UBE3B: variants seen among roughly 807,000 people sequenced by gnomAD.
The protein encoded by UBE3B is ubiquitin protein ligase E3B.
Under a neutral mutation model 132.3 loss-of-function variants are expected in UBE3B, and 80 were observed. The ratio of observed to expected loss-of-function variants is 0.60; its 90% confidence interval spans 0.50 to 0.73. The LOEUF (loss-of-function observed/expected upper bound fraction) is 0.73. UBE3B is among the 30% of genes least tolerant of loss of function. The probability of loss-of-function intolerance (pLI) is 0.00; values close to 1 mark genes in which losing one functional copy is unlikely to be tolerated. For synonymous variants in UBE3B, 487 were observed against 520.4 expected, an observed-to-expected ratio of 0.94 and a Z score of 0.87; for missense variants, 1,196 against 1,362.5, an observed-to-expected ratio of 0.88 and a Z score of 1.92.
intron 7 of UBE3B, 42 bp from the exon 8 acceptor site, chr12:109,489,877 A>G: frequency 6.3e-7 from 1 of 1,580,840 alleles, no homozygotes; most frequent in African/African-American, 1.3e-5. Flanking sequence ...AGGTCACATT[A>G]TGGCAAGAGA....
chr12:109,521,067 T>G lies in UBE3B; in HGVS notation c.2077-81T>G. The G allele has an allele frequency of 6.6e-7, 1 of 1,522,940 alleles. No individual in the cohort carries two copies. The highest frequency in any genetic ancestry group is 9.0e-7 in the Non-Finnish European group (1 of 1,116,352). 94.3% of individuals were successfully genotyped at this position (1,522,940 alleles called of 1,614,324 possible). A position where few individuals can be genotyped will look rare whatever the true frequency, so the allele number is the denominator to read the frequency against. ...CATTTGGTAATGATGCTGGGAGAGC[T>G]TCGCACAGAGGAGAGGGAACCCCGA... On this transcript the variant is annotated intron_variant, in intron 19 of 27. Coordinates refer to ENST00000342494, the MANE Select transcript of UBE3B (RefSeq NM_130466.4). This position sits in a 1 kb window ranked among gnomAD's most constrained non-coding sequence, Gnocchi z 4.2.
chr12:109,540,618 C>T (rs937839951), downstream of UBE3B, among the ~76,000 whole-genome samples: 1 of 152,190 alleles, frequency 6.6e-6, no homozygotes, highest in African/African-American at 2.4e-5. Flanking sequence ...AGACACTTGT[C>T]GGAATGGCAC....
chr12:109,516,328 C>T (rs1402128337), intron 18 of UBE3B, among the ~76,000 whole-genome samples: 1 of 151,958 alleles, frequency 6.6e-6, no homozygotes, highest in Non-Finnish European at 1.5e-5. Context: ...CATGCCACCA[C>T]ACCCAGCTAA....
intron 8 of UBE3B, chr12:109,490,561 C>T: frequency 6.5e-7 from 1 of 1,536,050 alleles, no homozygotes; most frequent in Non-Finnish European, 8.7e-7. Flanking sequence ...GGTCCGTTGG[C>T]AGAAGCTGGT....
Position 109,534,189 on chromosome 12 carries a change from G to A in UBE3B, c.3016-402G>A, listed in dbSNP as rs1415220193. On this transcript the variant is annotated intron_variant, in intron 27 of 27. Transcript: ENST00000342494. The surrounding 1 kb of genome is among the most constrained non-coding windows in gnomAD (Gnocchi z 5.2). ...ACAGTCCTCGGCCTCCATGCTTAAG[G>A]GAAAGTTGGCCCAAGTCATGGTCTG... is the stretch of plus-strand genomic sequence containing the variant. The A allele has an allele frequency of 1.6e-6, 2 of 1,235,996 alleles. No individual in the cohort carries two copies. Among genetic ancestry groups the A allele is most frequent in the Non-Finnish European group, 2.1e-6 (2 of 969,274 alleles). The allele number at this position is 1,235,996 out of a possible 1,614,324, so 76.6% of individuals were successfully genotyped here.
At chr12:109,482,481 T>C (rs1875646787) in intron 2 of UBE3B, among the ~76,000 whole-genome samples, 1 of 152,248 alleles carries the variant, frequency 6.6e-6, no homozygotes, top group Non-Finnish European at 1.5e-5. Context: ...CCCCTAGTTC[T>C]AGCCATCCGA....
rs1246183131 is a variant in UBE3B, at chr12:109,510,586, GTGT to G, written c.1856+129_1856+131del. On this transcript the variant is annotated intron_variant, in intron 17 of 27. Coordinates refer to ENST00000342494, the MANE Select transcript of UBE3B (RefSeq NM_130466.4). ...TCTGCTTCATTTTGTCTGTTCATTT[GTGT>G]AAAGAGAGCTGCTGTCCCTGTGAAG... 120 of 735,026 alleles carry G rather than the reference GTGT, an allele frequency of 1.6e-4. 3 individuals carry two copies. The South Asian group carries it at 2.1e-3, about 13-fold the overall frequency. The allele number at this position is 735,026 out of a possible 1,614,324, so 45.5% of individuals were successfully genotyped here.
intron 2 of UBE3B, among the ~76,000 whole-genome samples, chr12:109,482,112 T>A (rs767551183): frequency 6.6e-6 from 1 of 152,194 alleles, no homozygotes; most frequent in Non-Finnish European, 1.5e-5. Flanking sequence ...ATTAAATGCC[T>A]TTCAATAACA....
chr12:109,512,446 C>G (rs1880493268), intron 18 of UBE3B, among the ~76,000 whole-genome samples: 1 of 152,108 alleles, frequency 6.6e-6, no homozygotes, highest in African/African-American at 2.4e-5. Context: ...ATGAGGGTAG[C>G]AAGCATGGCT....
chr12:109,515,395 G>A (rs1880910082), intron 18 of UBE3B, among the ~76,000 whole-genome samples: 1 of 151,602 alleles, frequency 6.6e-6, no homozygotes, highest in Non-Finnish European at 1.5e-5. Flanking sequence ...TTGAGACAGA[G>A]TTTCACTCTT....
intron 11 of UBE3B, 59 bp from the exon 12 acceptor site, chr12:109,499,574 G>A (rs1878689139): frequency 1.4e-6 from 2 of 1,449,876 alleles, no homozygotes; most frequent in South Asian, 1.4e-5. Context: ...AGGGAGCAGG[G>A]CCGGGAGGCA....
rs1384686521 is a variant in UBE3B at position 109,483,626 on chromosome 12, G to A, written c.75G>A (p.Val25=). ...GTCAGGCACGAGAAGAAAGGCTTGT[G>A]CAGAAGGAACGGGAGCGGGCAGCTG... is the stretch of plus-strand genomic sequence containing the variant. ...RARQAREERL[V]QKERERAAVV... is the part of the protein sequence containing the mutation. The change falls in exon 3 of 28, where the codon GTG becomes GTA. Residue 25 remains valine, a synonymous_variant. Transcript: ENST00000342494. 6.2e-7 allele frequency: 1 copy of A among 1,613,456 alleles called. No homozygotes were observed. The highest frequency in any genetic ancestry group is 1.7e-5 in the Admixed American group (1 of 59,794).
intron 24 of UBE3B, among the ~76,000 whole-genome samples, chr12:109,529,151 ACT>A (rs1230067736): frequency 4.6e-5 from 7 of 152,174 alleles, no homozygotes; most frequent in Non-Finnish European, 7.3e-5. Context: ...ACGGAGTGAG[ACT>A]CTGTCTCAAA....
At chr12:109,527,837 G>A (rs1882521629) in intron 24 of UBE3B, among the ~76,000 whole-genome samples, 1 of 152,184 alleles carries the variant, frequency 6.6e-6, no homozygotes, top group Admixed American at 6.5e-5. Flanking sequence ...ACCTTCCTGG[G>A]TGTCAGGCTC....
At position 109,521,139 on chromosome 12, in the gene UBE3B, T is replaced by C; in HGVS notation, c.2077-9T>C. ...GCTTCCTAATGGGCTGTAATTCTGC[T>C]CTTGGCAGGACGGCTACGAGCAGCT... On this transcript the variant is annotated splice_polypyrimidine_tract_variant and intron_variant, in intron 19 of 27. Coordinates refer to ENST00000342494, the MANE Select transcript of UBE3B (RefSeq NM_130466.4). This position sits in a 1 kb window ranked among gnomAD's most constrained non-coding sequence, Gnocchi z 4.2. The C allele has an allele frequency of 1.2e-6, 2 of 1,613,786 alleles. No individual in the cohort carries two copies. Among genetic ancestry groups the C allele is most frequent in the East Asian group, 2.2e-5 (1 of 44,872 alleles).
intron 15 of UBE3B, chr12:109,508,947 G>T (rs10437846): frequency 5.4e-5 from 9 of 165,164 alleles, no homozygotes; most frequent in African/African-American, 2.2e-4. Flanking sequence ...AATGTTCCTT[G>T]ATATGCAGAC....
At chr12:109,545,120 G>A in the UBE3B span, among the ~76,000 whole-genome samples, 1 of 152,236 alleles carries the variant, frequency 6.6e-6, no homozygotes, top group African/African-American at 2.4e-5. Flanking sequence ...CTGTCTCCCA[G>A]AGGGGCTAGT....
intron 14 of UBE3B, among the ~76,000 whole-genome samples, chr12:109,505,362 G>C (rs1305354443): frequency 2.0e-5 from 3 of 152,146 alleles, no homozygotes; most frequent in Non-Finnish European, 4.4e-5. Context: ...TGTCTAAATG[G>C]CTAGATATGC....
intron 2 of UBE3B, among the ~76,000 whole-genome samples, chr12:109,482,187 T>A (rs971301854): frequency 6.6e-6 from 1 of 152,236 alleles, no homozygotes; most frequent in Non-Finnish European, 1.5e-5. Context: ...TAATAATTTT[T>A]AAATTTCTTT....
Sources: gnomAD v4.1 joint callset for allele counts (sites outside exome capture counted in the v4.1 genomes callset) on GRCh38, gnomAD v4.1.1 for gene constraint, Gnocchi (gnomAD v3.1) non-coding constraint, MANE v1.5 for transcripts, NCBI Gene and HGNC (gene_info 2026-07-23, HGNC 2026-07-21) for gene names.